Variants in EHBP1 observed in about 807,000 individuals in gnomAD.
The protein encoded by EHBP1 is EH domain-binding protein 1.
In EHBP1, 55 loss-of-function variants were observed where a neutral mutation model predicts 144.0. The ratio of observed to expected loss-of-function variants is 0.38; its 90% CI spans 0.31 to 0.48. EHBP1 has a LOEUF of 0.48. Ranked by LOEUF, EHBP1 falls within the 20% of genes least tolerant of loss-of-function variation. The probability of loss-of-function intolerance (pLI) is 0.98; values close to 1 mark genes in which losing one functional copy is unlikely to be tolerated. For missense variants in EHBP1, 1,200 were observed against 1,364.2 expected (o/e 0.88, Z 1.90); for synonymous variants, 469 against 472.7 (o/e 0.99, Z 0.10).
intron 16 of EHBP1, among the ~76,000 whole-genome samples, chr2:62,991,304 T>C (rs2059404170): frequency 6.6e-6 from 1 of 151,018 alleles, no homozygotes; most frequent in South Asian, 2.1e-4. Context: ...AATAAGTAAA[T>C]ATCAATATGG....
At position 62,808,877 on chromosome 2, in the gene EHBP1, G is replaced by A. The variant is rs969861318; in HGVS notation, c.313-17210G>A. 3.9e-5 allele frequency among the ~76,000 whole-genome samples: 6 copies of A among 152,218 alleles called. No individual in the cohort carries two copies. In the East Asian group the frequency reaches 7.7e-4, roughly 20 times the overall value. ...TCAATATTTTCTTCTCCCTTCTTAC[G>A]TGGGGCAGGATGGCTACAGTGGGCT... On this transcript the variant is annotated intron_variant, in intron 5 of 22. Coordinates refer to ENST00000431489, the MANE Select transcript of EHBP1 (RefSeq NM_001142616.3).
chr2:62,972,889 C>A (rs574837098), intron 14 of EHBP1, among the ~76,000 whole-genome samples: 3 of 152,174 alleles, frequency 2.0e-5, no homozygotes, highest in Admixed American at 2.0e-4. Context: ...AATTGAATTA[C>A]AGCACACCTC....
At position 63,034,028 on chromosome 2, in the gene EHBP1, A is replaced by G. The variant is rs544312537; in HGVS notation, c.3104-3507A>G. On this transcript the variant is annotated intron_variant, in intron 19 of 22. Coordinates refer to ENST00000431489, the MANE Select transcript of EHBP1 (RefSeq NM_001142616.3). ...CGGATTAAAAGAAAAAACTGACTTT[A>G]AGGATTGTGATATCGAAATAGATGT... Among the ~76,000 whole-genome samples, 96 of 152,222 alleles carry G rather than the reference A, an allele frequency of 6.3e-4. No individual in the cohort carries two copies. The Middle Eastern group carries it at 0.014, about 22-fold the overall frequency.
Position 62,963,884 on chromosome 2 carries a change from A to G in EHBP1, c.2460+8224A>G, listed in dbSNP as rs574802118. On this transcript the variant is annotated intron_variant, in intron 14 of 22. Coordinates refer to ENST00000431489, the MANE Select transcript of EHBP1 (RefSeq NM_001142616.3). Reference sequence around the variant, plus strand: ...TACTTTTTACTTCAACACAATCACCAAAAGATTTAATGTACAAAATCCATT... The same window carrying G: ...TACTTTTTACTTCAACACAATCACCGAAAGATTTAATGTACAAAATCCATT... Among the ~76,000 whole-genome samples, 6 of 152,344 alleles carry G rather than the reference A, an allele frequency of 3.9e-5. No homozygotes were observed. The South Asian group carries it at 1.0e-3, about 26-fold the overall frequency.
At chr2:62,802,109 A>G (rs1373185929) in intron 5 of EHBP1, among the ~76,000 whole-genome samples, 3 of 152,252 alleles carry the variant, frequency 2.0e-5, no homozygotes. Context: ...AACAGAACTA[A>G]TAACTGATAT....
intron 18 of EHBP1, 122 bp from the exon 19 acceptor site, chr2:62,996,521 C>A: frequency 8.1e-7 from 1 of 1,229,320 alleles, no homozygotes; most frequent in Non-Finnish European, 1.1e-6. Context: ...CTTTTTGGTA[C>A]TAAGGGTGAT....
chr2:63,045,246 AGTTCAAT>A lies in EHBP1; in HGVS notation c.3392+67_3392+73del. On this transcript the variant is annotated intron_variant, in intron 22 of 22. Coordinates refer to ENST00000431489, the MANE Select transcript of EHBP1 (RefSeq NM_001142616.3). The surrounding 1 kb of genome is among the most constrained non-coding windows in gnomAD (Gnocchi z 5.7). ...CCGAGGGGCCGAGAAGTGTGCGGAA[AGTTCAAT>A]CCAGAGGTCGCGGGAGGGCCGGGGC... The A allele has an allele frequency of 1.3e-6, 2 of 1,482,984 alleles. No individual in the cohort carries two copies. The highest frequency in any genetic ancestry group is 1.8e-6 in the Non-Finnish European group (2 of 1,085,110). 91.9% of individuals were successfully genotyped at this position (1,482,984 alleles called of 1,614,324 possible).
intron 19 of EHBP1, among the ~76,000 whole-genome samples, chr2:63,002,816 A>G (rs539784962): frequency 6.6e-5 from 10 of 152,194 alleles, no homozygotes; most frequent in Admixed American, 5.2e-4. Context: ...TGTAACTTCT[A>G]TTGCTGAGCT....
intron 2 of EHBP1, among the ~76,000 whole-genome samples, chr2:62,736,948 G>A (rs994210495): frequency 5.9e-5 from 9 of 152,160 alleles, no homozygotes; most frequent in African/African-American, 2.2e-4. Flanking sequence ...AGGAACTGCT[G>A]TAGTAGGCCT....
chr2:62,753,946 C>A (rs1293143434), intron 3 of EHBP1, among the ~76,000 whole-genome samples: 1 of 152,184 alleles, frequency 6.6e-6, no homozygotes, highest in East Asian at 1.9e-4. Flanking sequence ...GAACTTCCTC[C>A]TTTAGCTTGG....
chr2:62,677,818 C>T (rs1032413607), intron 1 of EHBP1, among the ~76,000 whole-genome samples: 2 of 152,180 alleles, frequency 1.3e-5, no homozygotes, highest in African/African-American at 4.8e-5. Context: ...AACAGGATCT[C>T]ATTCTTTCTT....
intron 10 of EHBP1, among the ~76,000 whole-genome samples, chr2:62,879,256 C>G (rs944046173): frequency 3.3e-5 from 5 of 152,096 alleles, no homozygotes; most frequent in African/African-American, 1.2e-4. Flanking sequence ...ACTGTCACCA[C>G]TCCTATTCAA....
intron 10 of EHBP1, among the ~76,000 whole-genome samples, chr2:62,941,221 T>C (rs1558950112): frequency 6.6e-6 from 1 of 152,170 alleles, no homozygotes; most frequent in South Asian, 2.1e-4. Flanking sequence ...GTTAAATGCC[T>C]AGAGGGATTT....
intron 1 of EHBP1, among the ~76,000 whole-genome samples, chr2:62,677,036 T>C (rs544904542): frequency 2.6e-5 from 4 of 152,230 alleles, no homozygotes; most frequent in Admixed American, 2.0e-4. Context: ...GGTGGCACAT[T>C]CTCGCAGTCC....
At chr2:62,948,228 C>A in intron 12 of EHBP1, 32 bp from the exon 13 acceptor site, 1 of 1,507,698 alleles carries the variant, frequency 6.6e-7, no homozygotes, top group South Asian at 1.3e-5. Context: ...ATGAACTGTT[C>A]AATATATCTT....
At chr2:62,958,974 A>G (rs1277529083) in intron 14 of EHBP1, among the ~76,000 whole-genome samples, 3 of 152,200 alleles carry the variant, frequency 2.0e-5, no homozygotes, top group African/African-American at 7.2e-5. Flanking sequence ...GCAGGTCTGC[A>G]TTACTTATTC....
chr2:62,893,128 A>T (rs1334687189), intron 10 of EHBP1, among the ~76,000 whole-genome samples: 1 of 152,222 alleles, frequency 6.6e-6, no homozygotes, highest in Non-Finnish European at 1.5e-5. Context: ...TGTTACCCTA[A>T]TTCCTAAAAT....
chr2:62,783,632 C>T (rs568099190), intron 5 of EHBP1, among the ~76,000 whole-genome samples: 6 of 152,364 alleles, frequency 3.9e-5, no homozygotes, highest in Non-Finnish European at 7.3e-5. Context: ...ATGTTGGCCC[C>T]TTTTAGCCCT....
chr2:62,858,548 G>A (rs560955026), intron 7 of EHBP1: 16 of 1,402,348 alleles, frequency 1.1e-5, no homozygotes, highest in South Asian at 4.7e-5. Context: ...GCTTCTGATT[G>A]CCTGTATTTA....
Sources: gnomAD v4.1 joint callset for allele counts (sites outside exome capture counted in the v4.1 genomes callset) on GRCh38, gnomAD v4.1.1 for gene constraint, Gnocchi (gnomAD v3.1) non-coding constraint, MANE v1.5 for transcripts, NCBI Gene and HGNC (gene_info 2026-07-23, HGNC 2026-07-21) for gene names.